Variants in SLC39A10 observed in about 807,000 individuals in gnomAD.
The protein encoded by SLC39A10 is solute carrier family 39 member 10.
In SLC39A10, 13 loss-of-function variants were observed where a neutral mutation model predicts 65.1. That is an observed-to-expected ratio of 0.20 (90% confidence interval 0.13 to 0.32). The LOEUF (loss-of-function observed/expected upper bound fraction) is 0.32, where lower values mean the gene tolerates loss of function less well. SLC39A10 is among the 10% of genes least tolerant of loss of function. The pLI is 1.00. For synonymous variants in SLC39A10, 321 were observed against 342.2 expected, an observed-to-expected ratio of 0.94 and a Z score of 0.68; for missense variants, 831 against 1,018.4, an observed-to-expected ratio of 0.82 and a Z score of 2.50.
intron 2 of SLC39A10, among the ~76,000 whole-genome samples, chr2:195,637,870 A>T (rs1232723539): frequency 1.3e-5 from 2 of 152,162 alleles, no homozygotes; most frequent in Admixed American, 1.3e-4. Context: ...TGGAGTTGAG[A>T]TTTCTTTCCC....
At chr2:195,726,284 A>G (rs1478520620) in intron 8 of SLC39A10, among the ~76,000 whole-genome samples, 1 of 152,214 alleles carries the variant, frequency 6.6e-6, no homozygotes, top group East Asian at 1.9e-4. Context: ...TTATAAAAGG[A>G]AGCAATGCAT....
chr2:195,673,780 T>TG (rs1171263787), intron 1 of SLC39A10, among the ~76,000 whole-genome samples: 1 of 152,254 alleles, frequency 6.6e-6, no homozygotes, highest in Non-Finnish European at 1.5e-5. Context: ...ATGCAGGTTA[T>TG]GTGGTATCTT....
At chr2:195,642,492 T>G (rs778954176) in intron 2 of SLC39A10, among the ~76,000 whole-genome samples, 45 of 152,210 alleles carry the variant, frequency 3.0e-4, no homozygotes, top group Non-Finnish European at 5.1e-4. Context: ...CAATGTGTTC[T>G]GCTTGGGACA....
At chr2:195,670,206 C>G (rs2105749271) in intron 1 of SLC39A10, among the ~76,000 whole-genome samples, 1 of 147,032 alleles carries the variant, frequency 6.8e-6, no homozygotes, top group Non-Finnish European at 1.5e-5. Flanking sequence ...GGAGAAATTG[C>G]TATGGAGAAT....
Position 195,690,978 on chromosome 2 carries a change from A to G in SLC39A10, c.1216+7072A>G, listed in dbSNP as rs145170120. Among the ~76,000 whole-genome samples, 1,506 of 152,114 alleles carry G rather than the reference A, an allele frequency of 9.9e-3. 33 individuals are homozygous for G. Among genetic ancestry groups the G allele is most frequent in the African/African-American group, 0.034 (1,404 of 41,488 alleles). On this transcript the variant is annotated intron_variant, in intron 3 of 9. Transcript: ENST00000359634. ...ACCCAACCAGTGTATACTGTACCCAATGTGTAGTTTTATCCCTTACCCCCC... is the reference window on the plus strand; with the variant it reads ...ACCCAACCAGTGTATACTGTACCCAGTGTGTAGTTTTATCCCTTACCCCCC...
intron 2 of SLC39A10, among the ~76,000 whole-genome samples, chr2:195,630,991 C>T (rs1688572873): frequency 6.6e-6 from 1 of 152,122 alleles, no homozygotes; most frequent in Non-Finnish European, 1.5e-5. Flanking sequence ...GAGTTTGAGA[C>T]CAGCCTGGCC....
intron 7 of SLC39A10, chr2:195,717,210 T>C (rs181534450): frequency 3.7e-6 from 2 of 540,966 alleles, no homozygotes; most frequent in Admixed American, 7.2e-5. Context: ...CGTAAACAAA[T>C]GTCTGTAGTA....
At chr2:195,679,738 G>GTTTTATTTTA (rs1690230662) in intron 1 of SLC39A10, among the ~76,000 whole-genome samples, 1 of 151,940 alleles carries the variant, frequency 6.6e-6, no homozygotes, top group Non-Finnish European at 1.5e-5. Context: ...CTATTTTTGA[G>GTTTTATTTTA]TTTTATTTTC....
rs1482131558 is a variant in SLC39A10 at position 195,680,809 on chromosome 2, A to G, written c.767A>G (p.Asp256Gly). 6.2e-7 allele frequency: 1 copy of G among 1,614,054 alleles called. No individual in the cohort carries two copies. The highest frequency in any genetic ancestry group is 8.5e-7 in the Non-Finnish European group (1 of 1,180,034). The change falls in exon 2 of 10, where the codon GAT (aspartate) becomes GGT (glycine). Residue 256 changes from aspartate to glycine, a missense_variant. By Grantham distance (94) the Asp-to-Gly change is moderately conservative. Around this residue, in one of 4 missense-constraint regions of SLC39A10, gnomAD observed 446 missense variants for 499.2 expected, o/e 0.89. Coordinates refer to ENST00000359634, the MANE Select transcript of SLC39A10 (RefSeq NM_020342.3). ...ACACCAGGTTTTCCCCCTAACCATG[A>G]TCAGGGTGAACAGTATGAGCATAAT... ...VITPGFPPNH[D>G]QGEQYEHNRV...
At chr2:195,621,489 A>G (rs2105687155) in intron 2 of SLC39A10, among the ~76,000 whole-genome samples, 1 of 152,332 alleles carries the variant, frequency 6.6e-6, no homozygotes, top group Non-Finnish European at 1.5e-5. Flanking sequence ...CGTAGGGGCA[A>G]GGACTGTTTT....
At chr2:195,617,890 C>T (rs1035572590) in intron 2 of SLC39A10, among the ~76,000 whole-genome samples, 1 of 151,110 alleles carries the variant, frequency 6.6e-6, no homozygotes, top group African/African-American at 2.4e-5. Context: ...CAGGTGCCCG[C>T]CACCACGCCC....
intron 2 of SLC39A10, among the ~76,000 whole-genome samples, chr2:195,615,809 T>G (rs1688194342): frequency 6.6e-6 from 1 of 152,176 alleles, no homozygotes; most frequent in Non-Finnish European, 1.5e-5. Flanking sequence ...ATTTAAAAAA[T>G]TATTCTAACA....
intron 5 of SLC39A10, among the ~76,000 whole-genome samples, chr2:195,713,001 C>G (rs1321588967): frequency 1.3e-5 from 2 of 152,142 alleles, no homozygotes; most frequent in East Asian, 3.8e-4. Context: ...ACTTAAGATT[C>G]TCACTCAAAT....
chr2:195,625,772 C>A (rs546713436), intron 2 of SLC39A10, among the ~76,000 whole-genome samples: 16 of 152,224 alleles, frequency 1.1e-4, no homozygotes, highest in Admixed American at 4.6e-4. Context: ...AGCAGTGATA[C>A]CAAAAATGGA....
chr2:195,633,604 C>A (rs1688637985), intron 2 of SLC39A10, among the ~76,000 whole-genome samples: 2 of 152,158 alleles, frequency 1.3e-5, no homozygotes, highest in African/African-American at 4.8e-5. Context: ...CAGGAAAGAA[C>A]TGAAGGATAG....
At chr2:195,659,335 A>T (rs147737878) in intron 1 of SLC39A10, among the ~76,000 whole-genome samples, 1 of 152,178 alleles carries the variant, frequency 6.6e-6, no homozygotes, top group Non-Finnish European at 1.5e-5. Context: ...TTAAATTCTA[A>T]CTGCTTAAAA....
In SLC39A10 at chr2:195,737,352, G is replaced by C; in HGVS notation, c.*2311G>C. On this transcript the variant is annotated 3_prime_UTR_variant, in exon 10 of 10. Coordinates refer to ENST00000359634, the MANE Select transcript of SLC39A10 (RefSeq NM_020342.3). The stretch of plus-strand genomic sequence containing the variant: ...TGCTGTCACTGTGTGACATCCATAT[G>C]AATTTTGGTATATATCAATCAATCA... 1 of 152,190 alleles carries C rather than the reference G, an allele frequency of 6.6e-6. No individual in the cohort carries two copies. The highest frequency in any genetic ancestry group is 1.5e-5 in the Non-Finnish European group (1 of 68,608). 9.4% of individuals were successfully genotyped at this position (152,190 alleles called of 1,614,324 possible). A position where few individuals can be genotyped will look rare whatever the true frequency, so the allele number is the denominator to read the frequency against.
At chr2:195,733,513 A>G (rs920139279) in intron 9 of SLC39A10, among the ~76,000 whole-genome samples, 2 of 152,174 alleles carry the variant, frequency 1.3e-5, no homozygotes, top group Non-Finnish European at 2.9e-5. Context: ...TGCTTTAGAA[A>G]TTAAGTATAT....
chr2:195,665,510 A>G (rs1689601301), intron 1 of SLC39A10, among the ~76,000 whole-genome samples: 2 of 152,234 alleles, frequency 1.3e-5, no homozygotes, highest in Admixed American at 1.3e-4. Flanking sequence ...AATGCTTGTG[A>G]AAATCTTAAA....
Sources: gnomAD v4.1 joint callset for allele counts (sites outside exome capture counted in the v4.1 genomes callset) on GRCh38, gnomAD v4.1.1 for gene constraint, gnomAD v4.1.1 regional missense constraint, MANE v1.5 for transcripts, NCBI Gene and HGNC (gene_info 2026-07-23, HGNC 2026-07-21) for gene names.